PDE8A: variants seen among roughly 807,000 people sequenced by gnomAD.
The protein encoded by PDE8A is high affinity cAMP-specific and IBMX-insensitive 3',5'-cyclic phosphodiesterase 8A.
Under a neutral mutation model 105.0 loss-of-function variants are expected in PDE8A, and 59 were observed. The observed-to-expected ratio is 0.56, with a 90% CI of 0.46 to 0.70. The LOEUF (loss-of-function observed/expected upper bound fraction) is 0.70. Among genes scored for constraint, PDE8A ranks in the 30% least tolerant of loss-of-function variants. The pLI, the probability that PDE8A is intolerant of heterozygous loss-of-function variation, is 0.00. For missense variants in PDE8A, 1,014 were observed against 1,045.9 expected, an observed-to-expected ratio of 0.97 and a Z score of 0.42; for synonymous variants, 355 against 371.9, an observed-to-expected ratio of 0.95 and a Z score of 0.52.
intron 5 of PDE8A, among the ~76,000 whole-genome samples, chr15:85,080,194 A>G (rs559896275): frequency 1.3e-5 from 2 of 152,346 alleles, no homozygotes; most frequent in East Asian, 1.9e-4. Flanking sequence ...ACATTAGGTT[A>G]TTGATTATAT....
chr15:85,042,477 T>C (rs1213081429), intron 1 of PDE8A, among the ~76,000 whole-genome samples: 1 of 152,178 alleles, frequency 6.6e-6, no homozygotes, highest in South Asian at 2.1e-4. Flanking sequence ...GTTTTAACAG[T>C]ACAGCCTCAG....
At chr15:85,105,045 G>A (rs149566811) in intron 11 of PDE8A, among the ~76,000 whole-genome samples, 285 of 152,182 alleles carry the variant, frequency 1.9e-3, no homozygotes, top group Non-Finnish European at 3.2e-3. Flanking sequence ...AAAGCCAGGG[G>A]ATTGGGCATG....
chr15:85,119,468 C>CAAAAAAAAAAAAAAAACAAAA (rs546194907), intron 17 of PDE8A, among the ~76,000 whole-genome samples: 5 of 58,574 alleles, frequency 8.5e-5, no homozygotes, highest in Non-Finnish European at 1.6e-4. Context: ...ACTCTCGTCT[C>CAAAAAAAAAAAAAAAACAAAA]AAAAAAAAAA....
intron 2 of PDE8A, among the ~76,000 whole-genome samples, chr15:85,065,050 TAG>T (rs555349564): frequency 1.3e-4 from 19 of 151,870 alleles, no homozygotes; most frequent in Non-Finnish European, 2.4e-4. Context: ...TGTATGTGTT[TAG>T]AGAGAGAGAG....
chr15:85,073,893 C>T (rs139817652), intron 3 of PDE8A, among the ~76,000 whole-genome samples: 394 of 152,332 alleles, frequency 2.6e-3, no homozygotes, highest in Non-Finnish European at 4.1e-3. Flanking sequence ...CTGCTCTCCC[C>T]AGTCAGGGGG....
intron 20 of PDE8A, 146 bp from the exon 21 acceptor site, chr15:85,136,388 G>A (rs1016212506): frequency 4.1e-6 from 3 of 737,508 alleles, no homozygotes; most frequent in African/African-American, 3.5e-5. Context: ...ATGAGACATG[G>A]TTTGGCTGCG....
At chr15:84,997,024 T>G (rs937939482) in intron 1 of PDE8A, among the ~76,000 whole-genome samples, 1 of 152,072 alleles carries the variant, frequency 6.6e-6, no homozygotes, top group South Asian at 2.1e-4. Context: ...GTTTTAAAAA[T>G]TTTTATTTCT....
intron 11 of PDE8A, among the ~76,000 whole-genome samples, chr15:85,106,450 A>G (rs1463807675): frequency 1.3e-5 from 2 of 151,834 alleles, no homozygotes; most frequent in African/African-American, 4.9e-5. Context: ...GGCATCACAC[A>G]TGGTGGGTGA....
Position 85,043,780 on chromosome 15 carries a change from C to T in PDE8A, c.187-20590C>T, listed in dbSNP as rs144018174. On this transcript the variant is annotated intron_variant, in intron 1 of 21. Transcript: ENST00000394553. ...TCGTGTGATCTTGGCACACTGCAAC[C>T]TCTGCCTCCCGGGTTCAGGTGATTC... Among the ~76,000 whole-genome samples, 441 of 152,252 alleles carry T rather than the reference C, an allele frequency of 2.9e-3. 3 individuals are homozygous for T. The highest frequency in any genetic ancestry group is 0.01 in the African/African-American group (416 of 41,538).
chr15:84,984,334 G>C (rs551636139), intron 1 of PDE8A, among the ~76,000 whole-genome samples: 1 of 152,202 alleles, frequency 6.6e-6, no homozygotes, highest in East Asian at 1.9e-4. Flanking sequence ...ATTTTTTCTA[G>C]TCTAATATTT....
rs1323702805 is a variant in PDE8A, at chr15:85,076,120, T to G, written c.491+202T>G. On this transcript the variant is annotated intron_variant, in intron 4 of 21. Transcript: ENST00000394553. The stretch of plus-strand genomic sequence containing the variant: ...TGCTCTCATGCTAGATTTTTGTGAT[T>G]TTTAAACTGCCTTTCACTTTAGAAA... Among the ~76,000 whole-genome samples, 4 of 152,326 alleles carry G rather than the reference T, an allele frequency of 2.6e-5. No individual in the cohort carries two copies. The East Asian group carries it at 7.7e-4, about 29-fold the overall frequency.
chr15:85,059,098 C>G (rs755898408), intron 1 of PDE8A, among the ~76,000 whole-genome samples: 10 of 152,096 alleles, frequency 6.6e-5, no homozygotes, highest in Non-Finnish European at 1.0e-4. Flanking sequence ...TCATTCATCT[C>G]CAAGTATTTT....
chr15:85,135,799 A>T (rs1221645870), intron 20 of PDE8A, among the ~76,000 whole-genome samples: 1 of 152,130 alleles, frequency 6.6e-6, no homozygotes, highest in Non-Finnish European at 1.5e-5. Flanking sequence ...GTTTTTTGCG[A>T]GTCTCTCTGA....
intron 8 of PDE8A, among the ~76,000 whole-genome samples, chr15:85,096,177 AAT>A (rs1168516432): frequency 6.6e-6 from 1 of 152,094 alleles, no homozygotes; most frequent in African/African-American, 2.4e-5. Flanking sequence ...GCCTGGCCTG[AAT>A]ATATTTTTTT....
intron 11 of PDE8A, among the ~76,000 whole-genome samples, chr15:85,106,202 CTCCTCCTGGAAATGCTGTCG>C (rs2081944980): frequency 6.6e-6 from 1 of 152,074 alleles, no homozygotes; most frequent in Admixed American, 6.5e-5. Context: ...AAGCAGTTTC[CTCCTCCTGGAAATGCTGTCG>C]TCCTCCTCCT....
chr15:85,110,428 A>G (rs138080271), intron 12 of PDE8A, among the ~76,000 whole-genome samples: 1 of 152,318 alleles, frequency 6.6e-6, no homozygotes, highest in East Asian at 1.9e-4. Flanking sequence ...CACCACCCAA[A>G]ATAGATATAG....
chr15:85,115,699 A>G (rs760223839), intron 15 of PDE8A: 33 of 543,350 alleles, frequency 6.1e-5, no homozygotes, highest in Non-Finnish European at 9.3e-5. Context: ...AGATGGGCAG[A>G]TCACAAGGTC....
intron 1 of PDE8A, among the ~76,000 whole-genome samples, chr15:85,046,627 A>G (rs1442621918): frequency 1.3e-5 from 2 of 152,220 alleles, no homozygotes; most frequent in African/African-American, 4.8e-5. Flanking sequence ...GGAGAAACAG[A>G]CAAAAAAGAA....
intron 1 of PDE8A, among the ~76,000 whole-genome samples, chr15:84,994,962 C>CAAA (rs11439217): frequency 7.1e-6 from 1 of 141,238 alleles, no homozygotes. Context: ...AACTCTGTCT[C>CAAA]AAAAAAAAAA....
Sources: gnomAD v4.1 joint callset for allele counts (sites outside exome capture counted in the v4.1 genomes callset) on GRCh38, gnomAD v4.1.1 for gene constraint, MANE v1.5 for transcripts, NCBI Gene and HGNC (gene_info 2026-07-23, HGNC 2026-07-21) for gene names.